The following GPHN variants were observed in gnomAD, a reference collection of about 807,000 sequenced individuals.
GPHN encodes gephyrin.
GPHN carries 17 observed loss-of-function variants against 95.5 expected under a neutral mutation model. The ratio of observed to expected loss-of-function variants is 0.18; its 90% CI spans 0.12 to 0.27. The LOEUF (loss-of-function observed/expected upper bound fraction) is 0.27, where lower values mean the gene tolerates loss of function less well. Among genes scored for constraint, GPHN ranks in the 10% least tolerant of loss-of-function variants. The probability of loss-of-function intolerance (pLI) is 1.00; values close to 1 mark genes in which losing one functional copy is unlikely to be tolerated. For missense variants in GPHN, 660 were observed against 978.1 expected (o/e 0.67, Z 4.34); for synonymous variants, 320 against 322.5 (o/e 0.99, Z 0.08).
the GPHN span, among the ~76,000 whole-genome samples, chr14:67,500,075 G>A: frequency 5.9e-5 from 9 of 152,066 alleles, no homozygotes; most frequent in African/African-American, 1.7e-4. Flanking sequence ...GTCTCTGCCC[G>A]TAGTCCCAGC....
At chr14:66,902,654 T>C (rs2065177801) in intron 5 of GPHN, among the ~76,000 whole-genome samples, 1 of 152,130 alleles carries the variant, frequency 6.6e-6, no homozygotes, top group Non-Finnish European at 1.5e-5. Context: ...GTTCTATTAA[T>C]GTAGCATATC....
chr14:66,653,515 A>G (rs931334772), intron 1 of GPHN, among the ~76,000 whole-genome samples: 2 of 152,188 alleles, frequency 1.3e-5, no homozygotes, highest in Non-Finnish European at 2.9e-5. Flanking sequence ...ACACTGACCC[A>G]GTGAAGATAA....
chr14:67,669,748 C>G, the GPHN span, among the ~76,000 whole-genome samples: 6 of 152,270 alleles, frequency 3.9e-5, no homozygotes, highest in South Asian at 8.3e-4. Flanking sequence ...TGCAGACACC[C>G]TGGAACCTTT....
At chr14:67,150,357 C>T (rs1332848956) in intron 18 of GPHN, among the ~76,000 whole-genome samples, 5 of 140,782 alleles carry the variant, frequency 3.6e-5, no homozygotes, top group Admixed American at 7.4e-5. Flanking sequence ...AGGAGAATGG[C>T]GTGAACCCGG....
chr14:66,761,721 G>A (rs1313738210), intron 2 of GPHN, among the ~76,000 whole-genome samples: 3 of 150,266 alleles, frequency 2.0e-5, no homozygotes, highest in Admixed American at 6.7e-5. Flanking sequence ...GTGTAGTGGC[G>A]TGATCTTGGC....
chr14:67,267,596 G>A, the GPHN span, among the ~76,000 whole-genome samples: 1 of 151,950 alleles, frequency 6.6e-6, no homozygotes, highest in African/African-American at 2.4e-5. Flanking sequence ...TTTCAAAACG[G>A]GTTTATTGAG....
chr14:67,625,736 CAA>C, the GPHN span, among the ~76,000 whole-genome samples: 3 of 118,436 alleles, frequency 2.5e-5, no homozygotes, highest in East Asian at 5.2e-4. Context: ...AATGAAAAAC[CAA>C]AAAAAAAAAA....
chr14:67,136,801 A>G (rs12148028), intron 17 of GPHN, among the ~76,000 whole-genome samples: 4 of 152,178 alleles, frequency 2.6e-5, no homozygotes, highest in Non-Finnish European at 4.4e-5. Context: ...TTCATGTAAT[A>G]TTGGTACTCT....
In GPHN at chr14:66,812,956, A is replaced by C. The variant is rs555007901; in HGVS notation, c.202-11518A>C. Reference sequence around the variant, plus strand: ...GAGAGAAACTGCACTGAAGATAATTATTTTAGCTTAGCATTTTTTATGGGT... The same window carrying C: ...GAGAGAAACTGCACTGAAGATAATTCTTTTAGCTTAGCATTTTTTATGGGT... On this transcript the variant is annotated intron_variant, in intron 3 of 22. Transcript: ENST00000478722. Among the ~76,000 whole-genome samples, 145 of 152,194 alleles carry C rather than the reference A, an allele frequency of 9.5e-4. 1 individual carries two copies. Among genetic ancestry groups the C allele is most frequent in the Admixed American group, 3.1e-3 (48 of 15,282 alleles).
the GPHN span, among the ~76,000 whole-genome samples, chr14:67,491,091 A>G: frequency 6.6e-6 from 1 of 152,202 alleles, no homozygotes; most frequent in East Asian, 1.9e-4. Flanking sequence ...ATACTTCTGA[A>G]CAATTGGTTA....
At chr14:67,124,960 T>C (rs997982599) in intron 17 of GPHN, among the ~76,000 whole-genome samples, 5 of 152,172 alleles carry the variant, frequency 3.3e-5, no homozygotes, top group African/African-American at 1.2e-4. Context: ...TGGTGGACAT[T>C]TCCTAATAAT....
intron 2 of GPHN, among the ~76,000 whole-genome samples, chr14:66,702,995 C>T (rs2068704037): frequency 6.6e-6 from 1 of 152,024 alleles, no homozygotes; most frequent in Non-Finnish European, 1.5e-5. Context: ...CTTCATGAAG[C>T]ATACACAAGA....
At chr14:66,650,259 C>G (rs911734549) in intron 1 of GPHN, among the ~76,000 whole-genome samples, 1 of 152,086 alleles carries the variant, frequency 6.6e-6, no homozygotes, top group Non-Finnish European at 1.5e-5. Flanking sequence ...CACATGGAGA[C>G]TACACGCCCT....
the GPHN span, among the ~76,000 whole-genome samples, chr14:67,700,163 A>G: frequency 6.6e-6 from 1 of 152,196 alleles, no homozygotes; most frequent in Non-Finnish European, 1.5e-5. Flanking sequence ...TAATTAAAAT[A>G]CAGGAAGAGT....
intron 20 of GPHN, among the ~76,000 whole-genome samples, chr14:67,168,568 T>TA (rs781430909): frequency 2.9e-4 from 44 of 152,260 alleles, no homozygotes; most frequent in Non-Finnish European, 6.3e-4. Context: ...TTTAAATGCT[T>TA]AAAAAATAGC....
chr14:66,901,706 G>A (rs541459960), intron 5 of GPHN, among the ~76,000 whole-genome samples: 59 of 152,026 alleles, frequency 3.9e-4, no homozygotes, highest in African/African-American at 1.3e-3. Context: ...TTATATTTGA[G>A]TTCCTTATCT....
intron 9 of GPHN, among the ~76,000 whole-genome samples, chr14:66,984,706 A>G (rs1487432099): frequency 6.6e-6 from 1 of 152,160 alleles, no homozygotes; most frequent in Non-Finnish European, 1.5e-5. Flanking sequence ...CATCACACTG[A>G]TATTTCTGCT....
chr14:67,578,481 C>A, the GPHN span: 1 of 1,204,002 alleles, frequency 8.3e-7, no homozygotes, highest in Non-Finnish European at 1.2e-6. The surrounding 1 kb of genome is among the most constrained non-coding windows in gnomAD (Gnocchi z 5.0). Flanking sequence ...GCTATGAGGA[C>A]AGGTGGTGCT....
chr14:67,346,641 T>G, the GPHN span, among the ~76,000 whole-genome samples: 5 of 152,184 alleles, frequency 3.3e-5, no homozygotes, highest in Admixed American at 3.3e-4. Flanking sequence ...TGAAAAAAGT[T>G]AATACTTTAC....
Sources: allele counts gnomAD v4.1 joint callset (sites outside exome capture counted in the v4.1 genomes callset), GRCh38; gene constraint gnomAD v4.1.1; non-coding constraint Gnocchi (gnomAD v3.1); transcripts MANE v1.5; gene names NCBI Gene and HGNC (gene_info 2026-07-23, HGNC 2026-07-21).